The following SYNC variants were observed in gnomAD, a reference collection of about 807,000 sequenced individuals.
SYNC encodes syncoilin, intermediate filament protein.
Under a neutral mutation model 49.5 loss-of-function variants are expected in SYNC, and 38 were observed. The ratio of observed to expected loss-of-function variants is 0.77; its 90% CI spans 0.59 to 1.01. The LOEUF (loss-of-function observed/expected upper bound fraction) is 1.01. Among genes scored for constraint, SYNC ranks in the 50% least tolerant of loss-of-function variants. The pLI, the probability that SYNC is intolerant of heterozygous loss-of-function variation, is 0.00. For synonymous variants in SYNC, 201 were observed against 230.8 expected, an observed-to-expected ratio of 0.87 and a Z score of 1.17; for missense variants, 579 against 580.6, an observed-to-expected ratio of 1.00 and a Z score of 0.03.
At chr1:32,685,510 A>G (rs1417217012) in intron 2 of SYNC, 2 of 152,246 alleles carry the variant, frequency 1.3e-5, no homozygotes, top group African/African-American at 4.8e-5. Flanking sequence ...TGCTATTATT[A>G]GAAGGATCTA....
At chr1:32,702,810 C>A, upstream of SYNC, 1 of 583,916 alleles carries the variant, frequency 1.7e-6, no homozygotes, top group Non-Finnish European at 2.2e-6. The surrounding 1 kb of genome is among the most constrained non-coding windows in gnomAD (Gnocchi z 6.2). Context: ...GGCCGGGGCT[C>A]CTGCCGGGGG....
intron 2 of SYNC, among the ~76,000 whole-genome samples, chr1:32,688,904 G>A (rs1472208819): frequency 2.7e-5 from 4 of 150,812 alleles, no homozygotes; most frequent in African/African-American, 7.3e-5. Context: ...CTCTTTGAGG[G>A]CAGGAGCATT....
chr1:32,689,734 AG>A (rs1181922350), intron 2 of SYNC, among the ~76,000 whole-genome samples: 1 of 151,948 alleles, frequency 6.6e-6, no homozygotes, highest in Non-Finnish European at 1.5e-5. Context: ...CAAGGTCAGG[AG>A]ATCAAAACCA....
At chr1:32,687,034 A>G (rs886438199) in intron 2 of SYNC, among the ~76,000 whole-genome samples, 1 of 152,124 alleles carries the variant, frequency 6.6e-6, no homozygotes, top group African/African-American at 2.4e-5. Flanking sequence ...CTTTAGAGAA[A>G]ACTTTAGTTT....
intron 1 of SYNC, among the ~76,000 whole-genome samples, chr1:32,701,642 G>A (rs564826412): frequency 4.6e-5 from 7 of 152,292 alleles, no homozygotes; most frequent in Admixed American, 2.6e-4. Flanking sequence ...TCACACAGCC[G>A]CCTCTTTTAA....
chr1:32,682,039 G>T, intron 4 of SYNC, 179 bp from the exon 5 acceptor site: 2 of 585,550 alleles, frequency 3.4e-6, no homozygotes, highest in South Asian at 2.2e-5. Flanking sequence ...GTGATGGGAG[G>T]GATAGTTAAA....
intron 4 of SYNC, 139 bp from the exon 5 acceptor site, chr1:32,681,999 C>A: frequency 1.4e-6 from 1 of 712,010 alleles, no homozygotes; most frequent in Non-Finnish European, 2.4e-6. Context: ...TTGGATGCCT[C>A]CTGTTTGTCA....
At chr1:32,688,892 A>G (rs903041884) in intron 2 of SYNC, among the ~76,000 whole-genome samples, 4 of 148,588 alleles carry the variant, frequency 2.7e-5, no homozygotes, top group African/African-American at 1.0e-4. Context: ...CTGGAGTACA[A>G]ACTCTTTGAG....
chr1:32,687,864 T>TTATTATTATTATTATTATTA (rs1557871719), intron 2 of SYNC, among the ~76,000 whole-genome samples: 12 of 3,732 alleles, frequency 3.2e-3, no homozygotes, highest in Admixed American at 0.012. Flanking sequence ...TATTATTATT[T>TTATTATTATTATTATTATTA]TTTGAGATGG....
intron 1 of SYNC, among the ~76,000 whole-genome samples, chr1:32,698,361 A>G (rs1650524919): frequency 6.6e-6 from 1 of 151,988 alleles, no homozygotes; most frequent in Non-Finnish European, 1.5e-5. Context: ...TACTAAAAGT[A>G]CAAAAAAATT....
intron 2 of SYNC, 199 bp from the exon 3 acceptor site, chr1:32,684,581 T>C: frequency 5.4e-6 from 4 of 746,480 alleles, no homozygotes; most frequent in East Asian, 6.1e-5. Context: ...TTGAAAATGA[T>C]GACGAAAAAG....
intron 1 of SYNC, among the ~76,000 whole-genome samples, chr1:32,696,519 C>T (rs953987530): frequency 1.3e-5 from 2 of 151,960 alleles, no homozygotes; most frequent in East Asian, 3.9e-4. Context: ...GCGATCTTGG[C>T]TCACTGCAGC....
chr1:32,695,653 A>C lies in SYNC; in HGVS notation c.445T>G (p.Ser149Ala), dbSNP rs540553869. Residue 149 changes from serine to alanine, a missense_variant, in exon 2 of 5, where the codon TCT (serine) becomes GCT (alanine). By Grantham distance (99) the Ser-to-Ala change is moderately conservative. Transcript: ENST00000409190. ...GCTCTGAGGCTCTCCTCAGGGTTAG[A>C]TTTCTCCGCCCTTGTGACTGTCTCT... ...EGETVTRAEK[S>A]NPEESLRAEQ... The C allele has an allele frequency of 4.4e-5, 69 of 1,551,194 alleles. 1 individual carries two copies. In the South Asian group the frequency reaches 7.7e-4, roughly 17 times the overall value.
intron 1 of SYNC, among the ~76,000 whole-genome samples, chr1:32,696,824 C>G (rs995099106): frequency 6.6e-6 from 1 of 150,812 alleles, no homozygotes; most frequent in African/African-American, 2.4e-5. Context: ...GAGTCTTGCT[C>G]TGTCACCCAG....
chr1:32,692,039 T>C (rs907385282), intron 2 of SYNC, among the ~76,000 whole-genome samples: 3 of 152,112 alleles, frequency 2.0e-5, no homozygotes, highest in Non-Finnish European at 4.4e-5. Flanking sequence ...GAGACCATCC[T>C]GGCTAACACG....
At chr1:32,700,456 G>A (rs1650621219) in intron 1 of SYNC, among the ~76,000 whole-genome samples, 1 of 152,210 alleles carries the variant, frequency 6.6e-6, no homozygotes, top group African/African-American at 2.4e-5. Flanking sequence ...AGCACTTTGG[G>A]AGGCCGAGGC....
upstream of SYNC, among the ~76,000 whole-genome samples, chr1:32,703,294 G>GC (rs1650741248): frequency 6.6e-6 from 1 of 152,180 alleles, no homozygotes; most frequent in African/African-American, 2.4e-5. Context: ...CTGGGGGCGG[G>GC]CTGGGTGGCT....
chr1:32,701,903 G>A (rs77255685), intron 1 of SYNC, among the ~76,000 whole-genome samples: 5,946 of 152,208 alleles, frequency 0.039, 230 homozygotes, highest in East Asian at 0.11. Flanking sequence ...GTATGGGTGA[G>A]TGTGTGTGTG....
chr1:32,683,976 A>G (rs1252845377), intron 4 of SYNC, 34 bp downstream of exon 4: 2 of 1,601,234 alleles, frequency 1.2e-6, no homozygotes, highest in Non-Finnish European at 8.6e-7. Flanking sequence ...AGCAGTAACA[A>G]TGCAAACACC....
Sources: allele counts gnomAD v4.1 joint callset (sites outside exome capture counted in the v4.1 genomes callset), GRCh38; gene constraint gnomAD v4.1.1; non-coding constraint Gnocchi (gnomAD v3.1); transcripts MANE v1.5; gene names NCBI Gene and HGNC (gene_info 2026-07-23, HGNC 2026-07-21).